The following PRKAR1B variants were observed in gnomAD, a reference collection of about 807,000 sequenced individuals.
PRKAR1B encodes cAMP-dependent protein kinase type I-beta regulatory subunit.
Under a neutral mutation model 46.5 loss-of-function variants are expected in PRKAR1B, and 22 were observed. The observed-to-expected ratio is 0.47, with a 90% CI of 0.34 to 0.68. PRKAR1B has a LOEUF of 0.68. Among genes scored for constraint, PRKAR1B ranks in the 30% least tolerant of loss-of-function variants. The pLI, the probability that PRKAR1B is intolerant of heterozygous loss-of-function variation, is 0.01. For synonymous variants in PRKAR1B, 259 were observed against 217.7 expected, an observed-to-expected ratio of 1.19 and a Z score of -1.67; for missense variants, 445 against 535.6, an observed-to-expected ratio of 0.83 and a Z score of 1.67.
At chr7:595,984 A>C (rs1583270079) in intron 7 of PRKAR1B, among the ~76,000 whole-genome samples, 162 bp downstream of exon 7, 1 of 152,180 alleles carries the variant, frequency 6.6e-6, no homozygotes, top group Non-Finnish European at 1.5e-5. Flanking sequence ...AGCTTCCAGA[A>C]TCCCTCCACC....
chr7:596,452 C>T (rs987910590), intron 6 of PRKAR1B, 148 bp from the exon 7 acceptor site: 34 of 998,716 alleles, frequency 3.4e-5, no homozygotes, highest in Middle Eastern at 3.0e-4. Flanking sequence ...CAGAGCCCTG[C>T]GTTCCCCAGC....
chr7:638,651 G>A (rs1784245623), intron 4 of PRKAR1B, among the ~76,000 whole-genome samples: 1 of 152,226 alleles, frequency 6.6e-6, no homozygotes. Context: ...AAGACGGGCA[G>A]GACTTCGAAA....
rs1331603047 is a variant in PRKAR1B, at chr7:593,426, T to G, written c.708+2720A>C. Reference sequence around the variant, plus strand: ...AAACCAGCCCGGCGCGGCCAGCTATTCTTAGCGCACAGGGACCCAAAATTA... The same window carrying G: ...AAACCAGCCCGGCGCGGCCAGCTATGCTTAGCGCACAGGGACCCAAAATTA... On this transcript the variant is annotated intron_variant, in intron 7 of 10. Transcript: ENST00000537384. This position sits in a 1 kb window ranked among gnomAD's most constrained non-coding sequence, Gnocchi z 6.1. Among the ~76,000 whole-genome samples the G allele has an allele frequency of 6.6e-6, 1 of 152,160 alleles. No individual in the cohort carries two copies. The highest frequency in any genetic ancestry group is 2.4e-5 in the African/African-American group (1 of 41,406).
chr7:602,206 C>T lies in PRKAR1B; in HGVS notation c.549+3987G>A, dbSNP rs1260306279. Among the ~76,000 whole-genome samples the T allele has an allele frequency of 2.0e-5, 3 of 152,090 alleles. No individual in the cohort carries two copies. Among genetic ancestry groups the T allele is most frequent in the African/African-American group, 2.4e-5 (1 of 41,426 alleles). ...CCAGTGAGCTCAGGGCTGGAGGAAA[C>T]GGTCCCTGCTTTGAAGTGGCTCCGG... is the stretch of plus-strand genomic sequence containing the variant. On this transcript the variant is annotated intron_variant, in intron 6 of 10. Coordinates refer to ENST00000537384, the MANE Select transcript of PRKAR1B (RefSeq NM_001164760.2). The surrounding 1 kb of genome is among the most constrained non-coding windows in gnomAD (Gnocchi z 6.4).
intron 4 of PRKAR1B, among the ~76,000 whole-genome samples, chr7:647,567 G>C (rs1784680594): frequency 6.6e-6 from 1 of 152,030 alleles, no homozygotes; most frequent in African/African-American, 2.4e-5. Context: ...AGCACTTTGG[G>C]GGGCCGAGAC....
intron 9 of PRKAR1B, among the ~76,000 whole-genome samples, chr7:564,505 G>A (rs998242045): frequency 2.0e-5 from 3 of 152,142 alleles, no homozygotes; most frequent in African/African-American, 7.2e-5. Flanking sequence ...GCAAGCCCAC[G>A]TCCTCTCCAC....
intron 2 of PRKAR1B, among the ~76,000 whole-genome samples, chr7:692,356 C>T (rs761953494): frequency 7.9e-5 from 12 of 152,212 alleles, no homozygotes; most frequent in East Asian, 7.7e-4. Flanking sequence ...GCTGAGATCG[C>T]GCCATGGCAC....
chr7:591,186 C>T (rs1381565532), intron 7 of PRKAR1B, among the ~76,000 whole-genome samples: 1 of 152,188 alleles, frequency 6.6e-6, no homozygotes, highest in African/African-American at 2.4e-5. Flanking sequence ...GGGGAGGGCC[C>T]GGCCCCAAAG....
chr7:594,624 G>A (rs1339087325), intron 7 of PRKAR1B, among the ~76,000 whole-genome samples: 1 of 152,120 alleles, frequency 6.6e-6, no homozygotes, highest in Non-Finnish European at 1.5e-5. Context: ...GCCATAAGGG[G>A]ACACCTCCAA....
Position 558,065 on chromosome 7 carries a change from G to C in PRKAR1B, c.892-6595C>G, listed in dbSNP as rs1647467957. On this transcript the variant is annotated intron_variant, in intron 9 of 10. Coordinates refer to ENST00000537384, the MANE Select transcript of PRKAR1B (RefSeq NM_001164760.2). ...GTAGTGGCTCACGCCTGTAATCCCA[G>C]CACTTTGGGACGCCGAGGTGGGAGG... Among the ~76,000 whole-genome samples, 3 of 151,994 alleles carry C rather than the reference G, an allele frequency of 2.0e-5. No homozygotes were observed. In the South Asian group the frequency reaches 6.2e-4, roughly 31 times the overall value.
At chr7:598,869 C>T (rs1284986709) in intron 6 of PRKAR1B, among the ~76,000 whole-genome samples, 1 of 152,244 alleles carries the variant, frequency 6.6e-6, no homozygotes, top group Non-Finnish European at 1.5e-5. Context: ...GAATGGCTGC[C>T]CAGGCAAGTG....
chr7:616,970 C>T (rs530914346), intron 4 of PRKAR1B, among the ~76,000 whole-genome samples: 1 of 147,274 alleles, frequency 6.8e-6, no homozygotes, highest in East Asian at 2.0e-4. Flanking sequence ...ATTTTAAAAT[C>T]TAAACCCCAA....
chr7:604,683 C>T (rs1369781243), intron 6 of PRKAR1B, among the ~76,000 whole-genome samples: 1 of 152,204 alleles, frequency 6.6e-6, no homozygotes, highest in Non-Finnish European at 1.5e-5. Flanking sequence ...GGGACAGACT[C>T]CGCGGCTGCC....
At chr7:580,153 C>A (rs1184673696) in intron 8 of PRKAR1B, among the ~76,000 whole-genome samples, 1 of 150,362 alleles carries the variant, frequency 6.7e-6, no homozygotes, top group Non-Finnish European at 1.5e-5. Context: ...ATCACTTGAG[C>A]GCGGGAGGTC....
intron 4 of PRKAR1B, among the ~76,000 whole-genome samples, chr7:669,013 A>T (rs1351384097): frequency 6.6e-6 from 1 of 152,164 alleles, no homozygotes; most frequent in Non-Finnish European, 1.5e-5. Context: ...ACTCAAACAG[A>T]CACCTGCACA....
chr7:676,591 C>T (rs76019080), intron 4 of PRKAR1B, among the ~76,000 whole-genome samples: 3 of 152,182 alleles, frequency 2.0e-5, no homozygotes, highest in Non-Finnish European at 2.9e-5. Context: ...GGAAGGCAGC[C>T]GGGCCTTCCC....
chr7:720,050 CTTTTTTT>C (rs34254216), intron 1 of PRKAR1B, among the ~76,000 whole-genome samples: 14 of 93,136 alleles, frequency 1.5e-4, no homozygotes, highest in African/African-American at 5.3e-4. Context: ...CTGTGCAAGT[CTTTTTTT>C]TTTTTTTTTT....
intron 4 of PRKAR1B, among the ~76,000 whole-genome samples, chr7:641,617 C>A (rs993286511): frequency 6.6e-6 from 1 of 152,118 alleles, no homozygotes; most frequent in Non-Finnish European, 1.5e-5. Flanking sequence ...GGGCGGTGAT[C>A]AAATTACAGT....
chr7:652,380 G>A (rs912714775), intron 4 of PRKAR1B, among the ~76,000 whole-genome samples: 8 of 148,822 alleles, frequency 5.4e-5, no homozygotes, highest in Non-Finnish European at 8.9e-5. Flanking sequence ...AACCCCTCTC[G>A]GAAGACAGTT....
Sources: allele counts gnomAD v4.1 joint callset (sites outside exome capture counted in the v4.1 genomes callset), GRCh38; gene constraint gnomAD v4.1.1; non-coding constraint Gnocchi (gnomAD v3.1); transcripts MANE v1.5; gene names NCBI Gene and HGNC (gene_info 2026-07-23, HGNC 2026-07-21).